PCDH15: variants seen among roughly 807,000 people sequenced by gnomAD.
The protein encoded by PCDH15 is protocadherin related 15.
Under a neutral mutation model 178.5 loss-of-function variants are expected in PCDH15, and 129 were observed. The ratio of observed to expected loss-of-function variants is 0.72; its 90% CI spans 0.63 to 0.84. The LOEUF (loss-of-function observed/expected upper bound fraction) is 0.84, where lower values mean the gene tolerates loss of function less well. Ranked by LOEUF, PCDH15 falls within the 40% of genes least tolerant of loss-of-function variation. PCDH15 has a pLI of 0.00. For missense variants in PCDH15, 2,230 were observed against 2,099.9 expected (o/e 1.06, Z -1.21); for synonymous variants, 800 against 732.0 (o/e 1.09, Z -1.50).
chr10:54,137,097 A>C (rs1261040794), intron 14 of PCDH15, among the ~76,000 whole-genome samples: 1 of 152,216 alleles, frequency 6.6e-6, no homozygotes, highest in Non-Finnish European at 1.5e-5. Flanking sequence ...TAACAATAAA[A>C]TAATAGTATT....
At chr10:55,541,832 A>T (rs1202100378) in intron 2 of PCDH15, among the ~76,000 whole-genome samples, 1 of 151,846 alleles carries the variant, frequency 6.6e-6, no homozygotes, top group Non-Finnish European at 1.5e-5. Context: ...TAGCACCAGA[A>T]TCTAGGATTA....
intron 25 of PCDH15, among the ~76,000 whole-genome samples, chr10:53,905,418 C>T (rs2082610403): frequency 6.6e-6 from 1 of 152,182 alleles, no homozygotes; most frequent in African/African-American, 2.4e-5. Context: ...ACTGTAAGCT[C>T]CACCTCCCGA....
At chr10:54,743,961 A>T (rs368097263) in intron 1 of PCDH15, among the ~76,000 whole-genome samples, 15 of 152,232 alleles carry the variant, frequency 9.9e-5, no homozygotes, top group East Asian at 9.7e-4. Context: ...CTGTCCTTTC[A>T]GCTTGATAGT....
rs149724600 is a variant in PCDH15, at chr10:53,830,475, T to A, written c.4202+840A>T. ...TATTTATTTTCTTTTTGTGGCACAC[T>A]CAGGGCTACTTCTCTTCTTAATCAG... On this transcript the variant is annotated intron_variant, in intron 30 of 37. Transcript: ENST00000644397. Among the ~76,000 whole-genome samples the A allele has an allele frequency of 3.2e-4, 48 of 152,284 alleles. 1 individual carries two copies. In the East Asian group the frequency reaches 9.1e-3, roughly 29 times the overall value.
chr10:54,480,321 G>A (rs1470346959), intron 3 of PCDH15, among the ~76,000 whole-genome samples: 1 of 152,042 alleles, frequency 6.6e-6, no homozygotes, highest in Non-Finnish European at 1.5e-5. Flanking sequence ...TAAGAGACTT[G>A]CTTGTGCACA....
intron 2 of PCDH15, among the ~76,000 whole-genome samples, chr10:54,961,930 T>C (rs1838666990): frequency 6.6e-6 from 1 of 152,180 alleles, no homozygotes; most frequent in African/African-American, 2.4e-5. Context: ...AGTTGCCCAC[T>C]TTGGGTCTCC....
At chr10:54,430,843 TAAAC>T (rs1956883006) in intron 3 of PCDH15, among the ~76,000 whole-genome samples, 1 of 150,498 alleles carries the variant, frequency 6.6e-6, no homozygotes, top group African/African-American at 2.4e-5. Flanking sequence ...GTTGAAAAAA[TAAAC>T]AAAATGGACA....
chr10:54,457,435 C>T (rs2076900913), intron 3 of PCDH15, among the ~76,000 whole-genome samples: 1 of 152,134 alleles, frequency 6.6e-6, no homozygotes, highest in South Asian at 2.1e-4. Flanking sequence ...CTAACGTCAG[C>T]CCTCCTAATC....
intron 2 of PCDH15, among the ~76,000 whole-genome samples, chr10:54,591,392 T>C (rs1405602007): frequency 6.6e-6 from 1 of 152,150 alleles, no homozygotes; most frequent in East Asian, 1.9e-4. Flanking sequence ...TTGCTAGTTT[T>C]GAAAACAAAA....
intron 17 of PCDH15, among the ~76,000 whole-genome samples, chr10:54,070,709 TCTC>T (rs1356416631): frequency 6.6e-6 from 1 of 152,018 alleles, no homozygotes; most frequent in Non-Finnish European, 1.5e-5. Context: ...CTCACCTCAG[TCTC>T]CTAAGTAGGT....
chr10:55,431,520 C>G (rs1484494169), intron 2 of PCDH15, among the ~76,000 whole-genome samples: 2 of 152,060 alleles, frequency 1.3e-5, no homozygotes, highest in African/African-American at 4.8e-5. Flanking sequence ...AAAACTTTAG[C>G]TAATTGGATA....
At chr10:54,366,716 T>G (rs78238001) in intron 5 of PCDH15, among the ~76,000 whole-genome samples, 2 of 146,122 alleles carry the variant, frequency 1.4e-5, no homozygotes, top group African/African-American at 2.5e-5. Context: ...AAATGCACTG[T>G]TTTTTTTTTC....
chr10:53,999,391 G>GT (rs369451976), intron 20 of PCDH15, among the ~76,000 whole-genome samples: 2 of 151,912 alleles, frequency 1.3e-5, no homozygotes, highest in East Asian at 1.9e-4. Flanking sequence ...ATTCTGCTGG[G>GT]TTTTTTTCTC....
At chr10:55,325,353 T>C (rs1844002899) in intron 2 of PCDH15, among the ~76,000 whole-genome samples, 1 of 152,058 alleles carries the variant, frequency 6.6e-6, no homozygotes, top group Non-Finnish European at 1.5e-5. Flanking sequence ...AATAGCATGG[T>C]ATGGTACAGA....
chr10:55,598,873 G>T (rs1343756813), intron 2 of PCDH15, among the ~76,000 whole-genome samples: 5 of 151,946 alleles, frequency 3.3e-5, no homozygotes. Flanking sequence ...ATAAACCAAA[G>T]TGTAGCTTAA....
chr10:55,017,169 A>G (rs1840201749), intron 2 of PCDH15, among the ~76,000 whole-genome samples: 1 of 152,136 alleles, frequency 6.6e-6, no homozygotes, highest in Non-Finnish European at 1.5e-5. Flanking sequence ...AAGACAGACA[A>G]ATGTATTTGT....
chr10:55,422,082 C>T (rs1409027203), intron 2 of PCDH15, among the ~76,000 whole-genome samples: 1 of 149,146 alleles, frequency 6.7e-6, no homozygotes, highest in Non-Finnish European at 1.5e-5. Flanking sequence ...ATGCATTACT[C>T]CAAAAACAAC....
chr10:55,054,988 T>C (rs778838152), intron 2 of PCDH15, among the ~76,000 whole-genome samples: 3 of 152,206 alleles, frequency 2.0e-5, no homozygotes, highest in Non-Finnish European at 4.4e-5. Context: ...TGTTGAGAGA[T>C]TCTTTTGCTT....
chr10:53,938,501 C>T (rs2085768908), intron 25 of PCDH15, among the ~76,000 whole-genome samples: 1 of 152,062 alleles, frequency 6.6e-6, no homozygotes, highest in Admixed American at 6.6e-5. Context: ...ATATCTATTT[C>T]CCAAGGTTTA....
Sources: allele counts gnomAD v4.1 joint callset (sites outside exome capture counted in the v4.1 genomes callset), GRCh38; gene constraint gnomAD v4.1.1; transcripts MANE v1.5; gene names NCBI Gene and HGNC (gene_info 2026-07-23, HGNC 2026-07-21).